DNAH3: variants seen among roughly 807,000 people sequenced by gnomAD.
DNAH3 encodes dynein axonemal heavy chain 3.
A neutral mutation model predicts 432.5 loss-of-function variants in DNAH3; 332 were observed. That is an observed-to-expected ratio of 0.77 (90% confidence interval 0.70 to 0.84). The LOEUF (loss-of-function observed/expected upper bound fraction) is 0.84. Ranked by LOEUF, DNAH3 falls within the 40% of genes least tolerant of loss-of-function variation. The pLI, the probability that DNAH3 is intolerant of heterozygous loss-of-function variation, is 0.00. For missense variants in DNAH3, 4,861 were observed against 5,114.0 expected (o/e 0.95, Z 1.51); for synonymous variants, 1,956 against 1,900.2 (o/e 1.03, Z -0.76).
chr16:20,960,127 T>A (rs184720124), intron 53 of DNAH3, among the ~76,000 whole-genome samples: 26 of 152,334 alleles, frequency 1.7e-4, no homozygotes, highest in Middle Eastern at 3.4e-3. Context: ...ATATGAATTG[T>A]AGAATACTGC....
Position 20,960,274 on chromosome 16 carries a change from G to A in DNAH3, c.10601-870C>T, listed in dbSNP as rs1327374208. ...TACACTTTATTTCATTACTCTAGAT[G>A]TTAAAGTTTTAATGTCCATGGGAGA... On this transcript the variant is annotated intron_variant, in intron 53 of 61. Coordinates refer to ENST00000261383, the Ensembl canonical transcript of DNAH3. 2.0e-5 allele frequency among the ~76,000 whole-genome samples: 3 copies of A among 152,118 alleles called. No individual in the cohort carries two copies. In the East Asian group the frequency reaches 5.8e-4, roughly 29 times the overall value.
exon 23 of DNAH3, chr16:21,069,458 A>G: frequency 6.2e-7 from 1 of 1,614,136 alleles, no homozygotes; most frequent in South Asian, 1.1e-5. Context: ...AACAATGCCA[A>G]ATTTCCTCCC....
intron 56 of DNAH3, among the ~76,000 whole-genome samples, chr16:20,949,882 T>C (rs2084235549): frequency 2.0e-5 from 3 of 152,230 alleles, no homozygotes; most frequent in Admixed American, 2.0e-4. Flanking sequence ...AGTTGGTTTA[T>C]GGCTTGCAGG....
At chr16:21,018,002 T>TA (rs200164460) in intron 41 of DNAH3, among the ~76,000 whole-genome samples, 2,398 of 151,984 alleles carry the variant, frequency 0.016, 65 homozygotes, top group African/African-American at 0.055. Flanking sequence ...ATCTTTTTTT[T>TA]AAAAAAAATT....
chr16:20,965,099 G>C, exon 53 of DNAH3: 2 of 1,614,108 alleles, frequency 1.2e-6, no homozygotes, highest in Non-Finnish European at 1.7e-6. Context: ...ACCAGCTTCA[G>C]CTCTGCTCTT....
chr16:21,122,793 A>T (rs1597428476), intron 9 of DNAH3, among the ~76,000 whole-genome samples: 1 of 148,814 alleles, frequency 6.7e-6, no homozygotes, highest in African/African-American at 2.5e-5. Context: ...GTGTATTTCT[A>T]CTTCCTCTGT....
chr16:20,998,691 G>A lies in DNAH3; in HGVS notation c.6422-1229C>T, dbSNP rs1199530130. Among the ~76,000 whole-genome samples, 3 of 136,662 alleles carry A rather than the reference G, an allele frequency of 2.2e-5. 1 individual carries two copies. Among genetic ancestry groups the A allele is most frequent in the Admixed American group, 1.6e-4 (2 of 12,512 alleles). 89.7% of individuals were successfully genotyped at this position (136,662 alleles called of 152,430 possible). Reference sequence around the variant, plus strand: ...GCACTCAATGAAATGGGGGCTCTTCGAGATCGCACCACTGCACTCCAGCCT... The same window carrying A: ...GCACTCAATGAAATGGGGGCTCTTCAAGATCGCACCACTGCACTCCAGCCT... On this transcript the variant is annotated intron_variant, in intron 43 of 61. Coordinates refer to ENST00000261383, the Ensembl canonical transcript of DNAH3.
chr16:21,091,484 T>C (rs2091533978), intron 18 of DNAH3, among the ~76,000 whole-genome samples: 1 of 152,070 alleles, frequency 6.6e-6, no homozygotes, highest in East Asian at 1.9e-4. Flanking sequence ...AAAAAGTCAA[T>C]CACTTTCCAA....
intron 31 of DNAH3, among the ~76,000 whole-genome samples, chr16:21,047,249 T>C (rs1276951938): frequency 6.8e-6 from 1 of 147,962 alleles, no homozygotes; most frequent in African/African-American, 2.5e-5. Context: ...GAAGTTCTCC[T>C]GGATAATATC....
At chr16:21,130,983 C>T (rs1462491020) in intron 7 of DNAH3, among the ~76,000 whole-genome samples, 1 of 152,164 alleles carries the variant, frequency 6.6e-6, no homozygotes, top group East Asian at 1.9e-4. Context: ...AGTCTAAGCA[C>T]TTTCTTTAGC....
intron 48 of DNAH3, among the ~76,000 whole-genome samples, chr16:20,983,369 GC>G (rs1394257356): frequency 6.6e-6 from 1 of 151,952 alleles, no homozygotes; most frequent in Non-Finnish European, 1.5e-5. Flanking sequence ...CAAGTGATCT[GC>G]CCGCCTCAGC....
intron 37 of DNAH3, among the ~76,000 whole-genome samples, chr16:21,029,223 T>C (rs1448435457): frequency 6.6e-6 from 1 of 152,238 alleles, no homozygotes; most frequent in African/African-American, 2.4e-5. Flanking sequence ...TATTATATAA[T>C]CAAAATTATG....
chr16:21,066,540 G>A (rs1259325347), intron 24 of DNAH3, among the ~76,000 whole-genome samples: 1 of 151,922 alleles, frequency 6.6e-6, no homozygotes, highest in African/African-American at 2.4e-5. Flanking sequence ...CTTATTTTTT[G>A]TATTTTTTTG....
exon 41 of DNAH3, chr16:21,019,663 T>C: frequency 6.2e-7 from 1 of 1,614,128 alleles, no homozygotes; most frequent in Admixed American, 1.7e-5. Flanking sequence ...AGTTTGACGC[T>C]TTTGGGCCTT....
chr16:21,113,809 T>C (rs897585903), intron 12 of DNAH3, among the ~76,000 whole-genome samples: 3 of 152,180 alleles, frequency 2.0e-5, no homozygotes, highest in African/African-American at 7.2e-5. Context: ...CATAGGATTA[T>C]TGTAATGCTT....
intron 56 of DNAH3, among the ~76,000 whole-genome samples, chr16:20,952,127 C>T (rs756696550): frequency 6.6e-6 from 1 of 152,114 alleles, no homozygotes; most frequent in Non-Finnish European, 1.5e-5. Context: ...ATCCACCTGC[C>T]GTGGCCTTCC....
exon 25 of DNAH3, chr16:21,062,588 C>G (rs2090399555): frequency 1.2e-6 from 2 of 1,614,022 alleles, no homozygotes; most frequent in African/African-American, 2.7e-5. Context: ...CTTGGCAATT[C>G]CTTCAAAGCA....
chr16:21,094,389 G>C (rs897812240), intron 18 of DNAH3, among the ~76,000 whole-genome samples: 2 of 152,078 alleles, frequency 1.3e-5, no homozygotes, highest in Non-Finnish European at 2.9e-5. Flanking sequence ...AAAAAATACA[G>C]GCCAAGCACA....
intron 25 of DNAH3, among the ~76,000 whole-genome samples, chr16:21,061,646 A>G (rs558908279): frequency 6.6e-6 from 1 of 152,324 alleles, no homozygotes; most frequent in East Asian, 1.9e-4. Flanking sequence ...GCTCTGATTC[A>G]TGCATTATTC....
Sources: allele counts gnomAD v4.1 joint callset (sites outside exome capture counted in the v4.1 genomes callset), GRCh38; gene constraint gnomAD v4.1.1; transcripts MANE v1.5; gene names NCBI Gene and HGNC (gene_info 2026-07-23, HGNC 2026-07-21).